Variants in GALNT7 observed in about 807,000 individuals in gnomAD.
The protein encoded by GALNT7 is N-acetylgalactosaminyltransferase 7.
In GALNT7, 60 loss-of-function variants were observed where a neutral mutation model predicts 82.1. The ratio of observed to expected loss-of-function variants is 0.73; its 90% CI spans 0.59 to 0.91. The LOEUF (loss-of-function observed/expected upper bound fraction) is 0.91, where lower values mean the gene tolerates loss of function less well. Ranked by LOEUF, GALNT7 falls within the 40% of genes least tolerant of loss-of-function variation. The pLI, the probability that GALNT7 is intolerant of heterozygous loss-of-function variation, is 0.00. For synonymous variants in GALNT7, 243 were observed against 275.1 expected (o/e 0.88, Z 1.15); for missense variants, 660 against 804.2 (o/e 0.82, Z 2.17).
At chr4:173,186,170 C>G (rs1455160706) in intron 1 of GALNT7, among the ~76,000 whole-genome samples, 1 of 152,158 alleles carries the variant, frequency 6.6e-6, no homozygotes, top group African/African-American at 2.4e-5. Context: ...CGTTGATAAC[C>G]ATGAACATTA....
intron 2 of GALNT7, among the ~76,000 whole-genome samples, chr4:173,255,117 G>A (rs1380254740): frequency 6.6e-6 from 1 of 152,168 alleles, no homozygotes; most frequent in African/African-American, 2.4e-5. Flanking sequence ...GTTTAGGGAG[G>A]TACCATATTT....
intron 3 of GALNT7, among the ~76,000 whole-genome samples, chr4:173,293,448 A>T (rs138131175): frequency 4.6e-5 from 7 of 152,324 alleles, no homozygotes; most frequent in African/African-American, 1.4e-4. Flanking sequence ...TCCTATCCTT[A>T]GTAAAATTAT....
At position 173,232,056 on chromosome 4, in the gene GALNT7, TAGAA is replaced by T. The variant is rs1376217507; in HGVS notation, c.127-15923_127-15920del. On this transcript the variant is annotated intron_variant, in intron 1 of 11. Coordinates refer to ENST00000265000, the MANE Select transcript of GALNT7 (RefSeq NM_017423.3). Reference sequence around the variant, plus strand: ...TTATAAATGGAATTGGAACTGAACTTAGAAGGAAGAGAGGAGGAAAGCAGGGCAG... The same window carrying T: ...TTATAAATGGAATTGGAACTGAACTTGGAAGAGAGGAGGAAAGCAGGGCAG... Among the ~76,000 whole-genome samples, 4 of 151,986 alleles carry T rather than the reference TAGAA, an allele frequency of 2.6e-5. No homozygotes were observed. In the South Asian group the frequency reaches 6.2e-4, roughly 24 times the overall value.
chr4:173,266,928 G>GC (rs1735522720), intron 2 of GALNT7, among the ~76,000 whole-genome samples: 1 of 123,440 alleles, frequency 8.1e-6, no homozygotes, highest in Non-Finnish European at 1.8e-5. Context: ...TGTGTGTGTG[G>GC]AGGGCTGGGA....
At chr4:173,248,887 G>A (rs1256095763) in intron 2 of GALNT7, among the ~76,000 whole-genome samples, 1 of 152,062 alleles carries the variant, frequency 6.6e-6, no homozygotes, top group Non-Finnish European at 1.5e-5. Context: ...AACAGTAACA[G>A]TGTTCTGGGT....
chr4:173,178,007 CTGTGTGTGTGTGTGTG>C (rs70944437), intron 1 of GALNT7, among the ~76,000 whole-genome samples: 65 of 137,772 alleles, frequency 4.7e-4, no homozygotes, highest in African/African-American at 9.4e-4. Flanking sequence ...ATCCGCAAGT[CTGTGTGTGTGTGTGTG>C]TGTGTGTGTG....
At chr4:173,174,708 G>A (rs1040810676) in intron 1 of GALNT7, among the ~76,000 whole-genome samples, 1 of 152,106 alleles carries the variant, frequency 6.6e-6, no homozygotes, top group African/African-American at 2.4e-5. Flanking sequence ...TTGGGGGTGG[G>A]GAGAGCTATT....
In GALNT7 at chr4:173,232,475, C is replaced by T. The variant is rs187184028; in HGVS notation, c.127-15505C>T. ...AGAGACAGCGTCTTGCTCTGTTGCCCGGGCTGGAGGGCAGTGGCACGACCA... is the reference window on the plus strand; with the variant it reads ...AGAGACAGCGTCTTGCTCTGTTGCCTGGGCTGGAGGGCAGTGGCACGACCA... On this transcript the variant is annotated intron_variant, in intron 1 of 11. Transcript: ENST00000265000. Among the ~76,000 whole-genome samples, 76 of 151,758 alleles carry T rather than the reference C, an allele frequency of 5.0e-4. 1 individual carries two copies. In the East Asian group the frequency reaches 0.012, roughly 23 times the overall value.
At chr4:173,222,834 C>T (rs746192291) in intron 1 of GALNT7, among the ~76,000 whole-genome samples, 1 of 151,762 alleles carries the variant, frequency 6.6e-6, no homozygotes, top group African/African-American at 2.4e-5. Flanking sequence ...TGACCTGCAA[C>T]GATGTTTTAA....
chr4:173,321,629 C>T lies in GALNT7; in HGVS notation c.1886C>T (p.Ser629Leu), dbSNP rs994796637. Residue 629 changes from serine to leucine, a missense_variant, in exon 12 of 12, where the codon TCA (serine) becomes TTA (leucine). Ser to Leu is a moderately radical substitution (Grantham distance 145). This residue lies in a region of GALNT7 where 527 missense variants were observed against 683.5 expected (regional missense o/e 0.77). Transcript: ENST00000265000. ...CCTTCAGGAAAGTGTTTAGATCGCT[C>T]AGAGGTCCTGCATCAAGTATTCATC... ...HIPSGKCLDRSEVLHQVFISN... is the reference protein window; with the variant it reads ...HIPSGKCLDRLEVLHQVFISN... 1.2e-6 allele frequency: 2 copies of T among 1,605,824 alleles called. No individual in the cohort carries two copies. The highest frequency in any genetic ancestry group is 1.1e-5 in the South Asian group (1 of 90,904).
chr4:173,233,902 C>T (rs1161180644), intron 1 of GALNT7, among the ~76,000 whole-genome samples: 2 of 152,194 alleles, frequency 1.3e-5, no homozygotes, highest in African/African-American at 4.8e-5. Flanking sequence ...CTATTCATCC[C>T]TTAACAGGCA....
At chr4:173,180,035 G>A (rs918580008) in intron 1 of GALNT7, among the ~76,000 whole-genome samples, 5 of 152,096 alleles carry the variant, frequency 3.3e-5, no homozygotes, top group Non-Finnish European at 7.4e-5. Context: ...AGTGAGTCAT[G>A]CAAGTGTCAT....
Position 173,321,841 on chromosome 4 carries a change from G to A in GALNT7, c.*124G>A. 9.5e-6 allele frequency: 6 copies of A among 629,800 alleles called. No homozygotes were observed. In the South Asian group the frequency reaches 9.9e-5, roughly 10 times the overall value. 39.0% of individuals were successfully genotyped at this position (629,800 alleles called of 1,614,324 possible). ...TATAGCTCCAAACCTGGAACCTCCT[G>A]ATCAGTTTGAAGGACATTGATAAAC... On this transcript the variant is annotated 3_prime_UTR_variant, in exon 12 of 12. Transcript: ENST00000265000.
At chr4:173,288,055 G>A (rs952414947) in intron 2 of GALNT7, among the ~76,000 whole-genome samples, 1 of 151,784 alleles carries the variant, frequency 6.6e-6, no homozygotes, top group African/African-American at 2.4e-5. Context: ...AGGCCGAGGC[G>A]GGCGGATCAC....
At chr4:173,275,551 T>C (rs1475483702) in intron 2 of GALNT7, among the ~76,000 whole-genome samples, 1 of 152,186 alleles carries the variant, frequency 6.6e-6, no homozygotes, top group Admixed American at 6.5e-5. Flanking sequence ...ATGGTGCAGC[T>C]CTTTGTTTCA....
intron 2 of GALNT7, among the ~76,000 whole-genome samples, chr4:173,276,497 C>T (rs1735917491): frequency 6.6e-6 from 1 of 152,070 alleles, no homozygotes; most frequent in Admixed American, 6.5e-5. Flanking sequence ...AAAACTATAA[C>T]CACAGTTTTA....
At chr4:173,246,582 T>TA (rs1011592009) in intron 1 of GALNT7, among the ~76,000 whole-genome samples, 4 of 152,204 alleles carry the variant, frequency 2.6e-5, no homozygotes, top group Non-Finnish European at 4.4e-5. Flanking sequence ...AGAAAATTTT[T>TA]AAAAATTTCT....
chr4:173,193,891 A>G (rs1373033280), intron 1 of GALNT7, among the ~76,000 whole-genome samples: 2 of 152,170 alleles, frequency 1.3e-5, no homozygotes, highest in East Asian at 1.9e-4. Context: ...TTTACCAAAA[A>G]CTATTGTTTT....
intron 1 of GALNT7, among the ~76,000 whole-genome samples, chr4:173,224,668 C>T (rs146111104): frequency 1.2e-3 from 182 of 152,182 alleles, no homozygotes; most frequent in African/African-American, 4.1e-3. Flanking sequence ...AAATTCTGAA[C>T]GAAGTTTAAG....
Sources: gnomAD v4.1 joint callset for allele counts (sites outside exome capture counted in the v4.1 genomes callset) on GRCh38, gnomAD v4.1.1 for gene constraint, gnomAD v4.1.1 regional missense constraint, MANE v1.5 for transcripts, NCBI Gene and HGNC (gene_info 2026-07-23, HGNC 2026-07-21) for gene names.